The following DENND4A variants were observed in gnomAD, a reference collection of about 807,000 sequenced individuals.
DENND4A encodes the protein C-myc promoter-binding protein.
DENND4A carries 70 observed loss-of-function variants against 199.3 expected under a neutral mutation model. That is an observed-to-expected ratio of 0.35 (90% confidence interval 0.29 to 0.43). The LOEUF is 0.43. Among genes scored for constraint, DENND4A ranks in the 20% least tolerant of loss-of-function variants. DENND4A has a pLI of 1.00. For synonymous variants in DENND4A, 686 were observed against 766.9 expected (o/e 0.89, Z 1.74); for missense variants, 1,723 against 2,255.8 (o/e 0.76, Z 4.78).
intron 3 of DENND4A, among the ~76,000 whole-genome samples, chr15:65,753,021 T>C (rs1320941781): frequency 1.3e-5 from 2 of 152,214 alleles, no homozygotes; most frequent in African/African-American, 2.4e-5. Context: ...TGCCCAACTG[T>C]GTAGAGTCTG....
chr15:65,752,761 T>C, intron 3 of DENND4A, 133 bp from the exon 4 acceptor site: 2 of 629,192 alleles, frequency 3.2e-6, no homozygotes, highest in Non-Finnish European at 5.2e-6. Context: ...AATTTTAAAA[T>C]GCACGGTCTT....
In DENND4A at chr15:65,660,750, T is replaced by G. The variant is rs1376057851; in HGVS notation, c.*1101A>C. On this transcript the variant is annotated 3_prime_UTR_variant, in exon 33 of 33. Transcript: ENST00000443035. ...AAAAAGCTAAGTTCCTCAATATGGATGAAAATCTATCTGGCTGTACTTTTA... is the reference window on the plus strand; with the variant it reads ...AAAAAGCTAAGTTCCTCAATATGGAGGAAAATCTATCTGGCTGTACTTTTA... 6.5e-6 allele frequency: 1 copy of G among 153,628 alleles called. No homozygotes were observed. The highest frequency in any genetic ancestry group is 2.4e-5 in the African/African-American group (1 of 41,488). 9.5% of individuals were successfully genotyped at this position (153,628 alleles called of 1,614,324 possible). A position where few individuals can be genotyped will look rare whatever the true frequency, so the allele number is the denominator to read the frequency against.
chr15:65,676,665 G>A lies in DENND4A; in HGVS notation c.4180-31C>T, dbSNP rs528290203. ...GACATAATTATAAGCTTAATTTCTT[G>A]TACATTTAAAGGTAATTAATTAAAA... is the stretch of plus-strand genomic sequence containing the variant. On this transcript the variant is annotated intron_variant, in intron 23 of 32. Transcript: ENST00000443035. 17 of 1,547,258 alleles carry A rather than the reference G, an allele frequency of 1.1e-5. No homozygotes were observed. The African/African-American group carries it at 1.9e-4, about 17-fold the overall frequency.
chr15:65,682,467 AG>A (rs1452049528), intron 23 of DENND4A, among the ~76,000 whole-genome samples: 4 of 152,192 alleles, frequency 2.6e-5, no homozygotes, highest in African/African-American at 9.6e-5. Flanking sequence ...ATAAAACTGA[AG>A]AGAGTTAGTT....
intron 12 of DENND4A, among the ~76,000 whole-genome samples, chr15:65,718,399 T>A (rs1416036412): frequency 2.6e-5 from 4 of 152,156 alleles, no homozygotes; most frequent in Non-Finnish European, 5.9e-5. Context: ...TATAAGTTAA[T>A]AATGATTGTA....
rs186696139 is a variant in DENND4A at position 65,696,378 on chromosome 15, C to T, written c.3070G>A (p.Gly1024Arg). The T allele has an allele frequency of 3.5e-5, 56 of 1,611,934 alleles. No homozygotes were observed. In the East Asian group the frequency reaches 1.2e-3, roughly 35 times the overall value. ...TSNNSAGKIS[G>R]ESMESTPELL... is the part of the protein sequence containing the mutation. ...CTATTCAACTTACCCATGCTTTCTCCTGATATTTTACCAGCACTGTTGTTA... is the reference window on the plus strand; with the variant it reads ...CTATTCAACTTACCCATGCTTTCTCTTGATATTTTACCAGCACTGTTGTTA... Residue 1024 changes from glycine (G) to arginine (R), a missense_variant, in exon 22 of 33, where the codon GGA (glycine) becomes AGA (arginine). By Grantham distance (125) the Gly-to-Arg change is moderately radical. Around this residue, in one of 6 missense-constraint regions of DENND4A, gnomAD observed 650 missense variants for 738.1 expected, o/e 0.88. Transcript: ENST00000443035.
intron 1 of DENND4A, among the ~76,000 whole-genome samples, chr15:65,778,496 C>T (rs1418221598): frequency 6.8e-6 from 1 of 147,434 alleles, no homozygotes; most frequent in African/African-American, 2.5e-5. Context: ...ACAGTCATTA[C>T]AGCTATACCT....
At chr15:65,711,054 C>T (rs1046217361) in intron 14 of DENND4A, among the ~76,000 whole-genome samples, 1 of 152,124 alleles carries the variant, frequency 6.6e-6, no homozygotes, top group Non-Finnish European at 1.5e-5. Context: ...TCTCCAGATG[C>T]AGGTATTTCT....
At chr15:65,702,576 G>T in intron 16 of DENND4A, 65 bp from the exon 17 acceptor site, 2 of 1,296,230 alleles carry the variant, frequency 1.5e-6, no homozygotes, top group Non-Finnish European at 2.2e-6. Context: ...TTAACTGAGT[G>T]CTAAACAAGT....
intron 7 of DENND4A, among the ~76,000 whole-genome samples, chr15:65,733,141 C>T (rs1179332156): frequency 6.6e-6 from 1 of 152,150 alleles, no homozygotes. Context: ...TAAATTCTTA[C>T]ATTTACAATA....
chr15:65,776,038 G>A (rs1015575292), intron 1 of DENND4A, among the ~76,000 whole-genome samples: 5 of 152,184 alleles, frequency 3.3e-5, no homozygotes, highest in South Asian at 2.1e-4. Flanking sequence ...CCATGAGACC[G>A]TCATTCTCTT....
intron 7 of DENND4A, among the ~76,000 whole-genome samples, chr15:65,735,375 G>A (rs548446564): frequency 2.0e-4 from 30 of 152,202 alleles, no homozygotes; most frequent in Non-Finnish European, 2.8e-4. Flanking sequence ...CAGACTCTGT[G>A]TCAAAAAACG....
Position 65,709,719 on chromosome 15 carries a change from A to AAAAAAAAAATATATAT in DENND4A, c.1954-3496_1954-3495insATATATATTTTTTTTT, listed in dbSNP as rs1218030026. ...TCAAAAAAAAAAAAAAAAAAAAAAA[A>AAAAAAAAAATATATAT]ATATATATATATATATATATATAAT... On this transcript the variant is annotated intron_variant, in intron 14 of 32. Transcript: ENST00000443035. Among the ~76,000 whole-genome samples, 19 of 51,460 alleles carry AAAAAAAAAATATATAT rather than the reference A, an allele frequency of 3.7e-4. No homozygotes were observed. In the East Asian group the frequency reaches 5.8e-3, roughly 16 times the overall value. 33.8% of individuals were successfully genotyped at this position (51,460 alleles called of 152,430 possible). A position where few individuals can be genotyped will look rare whatever the true frequency, so the allele number is the denominator to read the frequency against.
intron 1 of DENND4A, among the ~76,000 whole-genome samples, chr15:65,775,736 A>G (rs2727104): frequency 0.2 from 30,016 of 151,692 alleles, 4,007 homozygotes; most frequent in East Asian, 0.73. Context: ...TCAAAATTAT[A>G]TAACAAAAAG....
At chr15:65,728,938 C>T (rs549690840) in intron 11 of DENND4A, 134 bp downstream of exon 11, 24 of 875,678 alleles carry the variant, frequency 2.7e-5, no homozygotes, top group South Asian at 1.6e-4. Context: ...GATTCAAAGA[C>T]GGTGATTACC....
intron 27 of DENND4A, among the ~76,000 whole-genome samples, 189 bp from the exon 28 acceptor site, chr15:65,668,312 G>A (rs2076110009): frequency 1.3e-5 from 2 of 151,300 alleles, no homozygotes; most frequent in South Asian, 4.2e-4. Context: ...AGGCTCAAGC[G>A]ATCCTCCCAC....
intron 21 of DENND4A, chr15:65,696,822 T>G (rs886750981): frequency 5.0e-5 from 14 of 281,378 alleles, no homozygotes; most frequent in Admixed American, 3.7e-5. Context: ...CTTTTTTTTT[T>G]TCTTTTTTCA....
At chr15:65,697,022 G>A (rs1173854118) in intron 21 of DENND4A, 1 of 366,372 alleles carries the variant, frequency 2.7e-6, no homozygotes. Flanking sequence ...ATGTATTTTT[G>A]GAATTACGTA....
chr15:65,674,725 C>T (rs1161964870), intron 24 of DENND4A, among the ~76,000 whole-genome samples: 1 of 147,640 alleles, frequency 6.8e-6, no homozygotes, highest in African/African-American at 2.5e-5. Flanking sequence ...CAGAGTGAGA[C>T]CCTATCTTAA....
Sources: gnomAD v4.1 joint callset for allele counts (sites outside exome capture counted in the v4.1 genomes callset) on GRCh38, gnomAD v4.1.1 for gene constraint, gnomAD v4.1.1 regional missense constraint, MANE v1.5 for transcripts, NCBI Gene and HGNC (gene_info 2026-07-23, HGNC 2026-07-21) for gene names.